The following RPA3 variants were observed in gnomAD, a reference collection of about 807,000 sequenced individuals.
RPA3 encodes replication protein A 14 kDa subunit.
RPA3 carries 24 observed loss-of-function variants against 13.7 expected under a neutral mutation model. The observed-to-expected ratio is 1.75, with a 90% CI of 1.27 to 2.46. RPA3 has a LOEUF of 2.46. Ranked by LOEUF, RPA3 falls within the 30% of genes most tolerant of loss-of-function variation. The pLI, the probability that RPA3 is intolerant of heterozygous loss-of-function variation, is 0.00. For missense variants in RPA3, 183 were observed against 151.0 expected (o/e 1.21, Z -1.11); for synonymous variants, 59 against 51.2 (o/e 1.15, Z -0.65).
intron 4 of RPA3, among the ~76,000 whole-genome samples, chr7:7,660,080 T>G (rs778880181): frequency 1.3e-5 from 2 of 152,200 alleles, no homozygotes; most frequent in Non-Finnish European, 2.9e-5. Context: ...CTTTTGATCT[T>G]TGTTGGTTTA....
intron 2 of RPA3, among the ~76,000 whole-genome samples, chr7:7,712,530 A>T (rs1379664670): frequency 6.6e-6 from 1 of 152,172 alleles, no homozygotes. Flanking sequence ...CATGTAGCTG[A>T]TACTTGTAGC....
At chr7:7,680,223 G>A (rs1418623260) in intron 4 of RPA3, among the ~76,000 whole-genome samples, 1 of 152,072 alleles carries the variant, frequency 6.6e-6, no homozygotes, top group Non-Finnish European at 1.5e-5. Flanking sequence ...TTTGTATGTG[G>A]CGAGAGATAG....
chr7:7,678,142 A>C (rs1779795126), intron 4 of RPA3, among the ~76,000 whole-genome samples: 1 of 21,536 alleles, frequency 4.6e-5, no homozygotes, highest in South Asian at 1.2e-3. Flanking sequence ...TTCTGTTTTT[A>C]GTTTTTTTGA....
At chr7:7,683,332 A>G (rs1239371539) in intron 4 of RPA3, among the ~76,000 whole-genome samples, 1 of 152,084 alleles carries the variant, frequency 6.6e-6, no homozygotes, top group Non-Finnish European at 1.5e-5. Flanking sequence ...CCAGGAATTG[A>G]TTTTTTCCCC....
chr7:7,664,419 G>A (rs1262679315), intron 4 of RPA3, among the ~76,000 whole-genome samples: 1 of 152,100 alleles, frequency 6.6e-6, no homozygotes, highest in Non-Finnish European at 1.5e-5. Context: ...GCCCAGTAAT[G>A]TCCAACAAAT....
At chr7:7,679,667 T>G (rs1026381705) in intron 4 of RPA3, among the ~76,000 whole-genome samples, 1 of 119,068 alleles carries the variant, frequency 8.4e-6, no homozygotes, top group African/African-American at 3.4e-5. Context: ...TTTATATATT[T>G]AATTTATAGA....
rs28915993 is a variant in RPA3 at position 7,671,838 on chromosome 7, A to C, written c.-758+13992T>G. ...TTTTGTATCTATTACTATATCCAGT[A>C]AGCACTTTCTTTAAGGATTTCAGAA... On this transcript the variant is annotated intron_variant, in intron 4 of 7. Transcript: ENST00000223129. Among the ~76,000 whole-genome samples, 688 of 152,254 alleles carry C rather than the reference A, an allele frequency of 4.5e-3. 7 individuals are homozygous for C. The highest frequency in any genetic ancestry group is 0.016 in the African/African-American group (662 of 41,546).
intron 4 of RPA3, among the ~76,000 whole-genome samples, chr7:7,681,642 C>T (rs1282658279): frequency 6.6e-6 from 1 of 152,092 alleles, no homozygotes; most frequent in Non-Finnish European, 1.5e-5. Context: ...ACTCATTTTA[C>T]ACAAAAACAA....
At chr7:7,691,425 A>G (rs964933299) in intron 2 of RPA3, among the ~76,000 whole-genome samples, 15 of 152,236 alleles carry the variant, frequency 9.9e-5, no homozygotes, top group Non-Finnish European at 2.1e-4. Flanking sequence ...AATTTCATCT[A>G]AAATGATAGT....
At chr7:7,674,787 C>A (rs1779698617) in intron 4 of RPA3, among the ~76,000 whole-genome samples, 1 of 152,122 alleles carries the variant, frequency 6.6e-6, no homozygotes, top group East Asian at 1.9e-4. Flanking sequence ...ACTTTTTTCA[C>A]ACTTCTTGAA....
At chr7:7,705,821 T>C (rs1267186399) in intron 2 of RPA3, among the ~76,000 whole-genome samples, 1 of 152,168 alleles carries the variant, frequency 6.6e-6, no homozygotes, top group Non-Finnish European at 1.5e-5. Flanking sequence ...CAGTGTATGT[T>C]CATCAATTGT....
chr7:7,696,787 G>A (rs1780329613), intron 2 of RPA3, among the ~76,000 whole-genome samples: 1 of 151,980 alleles, frequency 6.6e-6, no homozygotes, highest in East Asian at 1.9e-4. Context: ...CTATAGGTAG[G>A]GCCCTGTGAA....
intron 4 of RPA3, among the ~76,000 whole-genome samples, chr7:7,644,067 A>G (rs1405672686): frequency 6.6e-6 from 1 of 152,212 alleles, no homozygotes; most frequent in Non-Finnish European, 1.5e-5. Flanking sequence ...TACCTGGAGT[A>G]TAAGACAGTT....
chr7:7,658,445 G>A (rs1406252681), intron 4 of RPA3, among the ~76,000 whole-genome samples: 2 of 152,166 alleles, frequency 1.3e-5, no homozygotes, highest in African/African-American at 4.8e-5. Context: ...TTGGCTGTGG[G>A]TTTGTCATAA....
intron 4 of RPA3, among the ~76,000 whole-genome samples, chr7:7,657,718 T>G (rs1785376691): frequency 6.6e-6 from 1 of 152,212 alleles, no homozygotes; most frequent in South Asian, 2.1e-4. Context: ...ACTGTAGTCT[T>G]GTAGTATAGT....
At chr7:7,695,321 C>T (rs28912706) in intron 2 of RPA3, among the ~76,000 whole-genome samples, 1 of 152,182 alleles carries the variant, frequency 6.6e-6, no homozygotes, top group East Asian at 1.9e-4. Context: ...CAAGCCCAGC[C>T]AACTTTAAGA....
intron 4 of RPA3, among the ~76,000 whole-genome samples, chr7:7,685,543 G>A (rs760802212): frequency 2.0e-5 from 3 of 152,022 alleles, no homozygotes; most frequent in Non-Finnish European, 2.9e-5. Context: ...TCCTGACCTC[G>A]TGATCCGCCC....
At chr7:7,708,754 A>C (rs551083079) in intron 2 of RPA3, among the ~76,000 whole-genome samples, 1 of 152,364 alleles carries the variant, frequency 6.6e-6, no homozygotes, top group African/African-American at 2.4e-5. Flanking sequence ...TATTGGAGAC[A>C]GACCCAGCTT....
At chr7:7,716,046 A>G (rs1414972522) in intron 1 of RPA3, among the ~76,000 whole-genome samples, 1 of 152,258 alleles carries the variant, frequency 6.6e-6, no homozygotes, top group Non-Finnish European at 1.5e-5. Flanking sequence ...TATGTCAGGC[A>G]TATGGCTACA....
Sources: allele counts gnomAD v4.1 joint callset (sites outside exome capture counted in the v4.1 genomes callset), GRCh38; gene constraint gnomAD v4.1.1; transcripts MANE v1.5; gene names NCBI Gene and HGNC (gene_info 2026-07-23, HGNC 2026-07-21).